ANGPTL7: variants seen among roughly 807,000 people sequenced by gnomAD.
The protein encoded by ANGPTL7 is angiopoietin like 7, also known as angiopoietin-related protein 7.
A neutral mutation model predicts 38.8 loss-of-function variants in ANGPTL7; 37 were observed. The ratio of observed to expected loss-of-function variants is 0.95; its 90% confidence interval spans 0.73 to 1.25. The LOEUF (loss-of-function observed/expected upper bound fraction) is 1.25, where lower values mean the gene tolerates loss of function less well. Among genes scored for constraint, ANGPTL7 ranks in the 50% most tolerant of loss-of-function variants. The probability of loss-of-function intolerance (pLI) is 0.00; values close to 1 mark genes in which losing one functional copy is unlikely to be tolerated. For missense variants in ANGPTL7, 427 were observed against 438.6 expected (o/e 0.97, Z 0.24); for synonymous variants, 166 against 163.2 (o/e 1.02, Z -0.13).
Position 11,194,530 on chromosome 1 carries a change from C to G in ANGPTL7, c.742C>G (p.Arg248Gly). ...TTTGGGCAATGAACTCAACAGCTAT[C>G]GCCTCTTCCTGGGGAACTACACTGG... Reference protein sequence around the residue: ...FVLGNELNSYRLFLGNYTGNV... With the variant: ...FVLGNELNSYGLFLGNYTGNV... Residue 248 changes from arginine (R) to glycine (G), a missense_variant, in exon 4 of 5, where the codon CGC becomes GGC. By Grantham distance (125) the Arg-to-Gly change is moderately radical (BLOSUM62 -2). Transcript: ENST00000376819. 1 of 1,614,152 alleles carries G rather than the reference C, an allele frequency of 6.2e-7. No homozygotes were observed.
chr1:11,193,351 A>G (rs1645625810), intron 2 of ANGPTL7, among the ~76,000 whole-genome samples: 1 of 151,328 alleles, frequency 6.6e-6, no homozygotes, highest in African/African-American at 2.4e-5. Context: ...TCCAAGCTTC[A>G]TGTGCACTCA....
Position 11,194,862 on chromosome 1 carries a change from T to C in ANGPTL7, c.880T>C (p.Trp294Arg). The C allele has an allele frequency of 6.2e-7, 1 of 1,614,074 alleles. No homozygotes were observed. The highest frequency in any genetic ancestry group is 8.5e-7 in the Non-Finnish European group (1 of 1,179,964). Reference sequence around the variant, plus strand: ...TCTGTTTCTCATGCCAGGTGGCTACTGGTACAACTGCTGCACAGACTCCAA... The same window carrying C: ...TCTGTTTCTCATGCCAGGTGGCTACCGGTACAACTGCTGCACAGACTCCAA... ...KCAQLRKGGY[W>R]YNCCTDSNLN... is the part of the protein sequence containing the mutation. Residue 294 changes from tryptophan (W) to arginine (R), a missense_variant, in exon 5 of 5, where the codon TGG (tryptophan) becomes CGG (arginine). Coordinates refer to ENST00000376819, the MANE Select transcript of ANGPTL7 (RefSeq NM_021146.4).
In ANGPTL7 at chr1:11,189,948, C is replaced by T. The variant is rs1252818766; in HGVS notation, c.369C>T (p.Thr123=). 1.9e-6 allele frequency: 3 copies of T among 1,608,102 alleles called. No individual in the cohort carries two copies. The highest frequency in any genetic ancestry group is 2.5e-6 in the Non-Finnish European group (3 of 1,177,186). The part of the protein sequence containing the change: ...QLQAAQTVTQ[T]SADAIYDCSS... ...AGGCAGCACAGACGGTCACTCAGACCTCCGCAGGTAAGGAGACCAGTCCCC... is the reference window on the plus strand; with the variant it reads ...AGGCAGCACAGACGGTCACTCAGACTTCCGCAGGTAAGGAGACCAGTCCCC... The change falls in exon 1 of 5, where the codon ACC becomes ACT. Residue 123 remains threonine (T), a synonymous_variant. Coordinates refer to ENST00000376819, the MANE Select transcript of ANGPTL7 (RefSeq NM_021146.4).
Position 11,194,493 on chromosome 1 carries a change from T to C in ANGPTL7, c.705T>C (p.Tyr235=), listed in dbSNP as rs765202660. Residue 235 remains tyrosine, a synonymous_variant, in exon 4 of 5, where the codon TAT becomes TAC. Transcript: ENST00000376819. ...DWEGNLRYAE[Y]SHFVLGNELN... is the part of the protein sequence containing the mutation. ...AGGGCAACCTGCGCTACGCTGAGTA[T>C]AGCCACTTTGTTTTGGGCAATGAAC... The C allele has an allele frequency of 7.4e-6, 12 of 1,614,164 alleles. No individual in the cohort carries two copies. The Admixed American group carries it at 1.2e-4, about 16-fold the overall frequency.
intron 3 of ANGPTL7, 66 bp from the exon 4 acceptor site, chr1:11,194,395 G>T: frequency 1.4e-6 from 2 of 1,464,690 alleles, no homozygotes; most frequent in Non-Finnish European, 1.9e-6. Flanking sequence ...CAGGAGAGAA[G>T]GGGTATAGAG....
chr1:11,191,483 C>A lies in ANGPTL7; in HGVS notation c.377-787C>A, dbSNP rs28990997. On this transcript the variant is annotated intron_variant, in intron 1 of 4. Coordinates refer to ENST00000376819, the MANE Select transcript of ANGPTL7 (RefSeq NM_021146.4). ...GCAGTGGTCACCAAGAAAAGCACCC[C>A]GAGACATAGCAGGCAGGAAGCTTCT... Among the ~76,000 whole-genome samples, 1,363 of 152,252 alleles carry A rather than the reference C, an allele frequency of 9.0e-3. 10 individuals carry two copies. The highest frequency in any genetic ancestry group is 0.02 in the Middle Eastern group (6 of 294).
chr1:11,190,016 A>G, intron 1 of ANGPTL7, 61 bp downstream of exon 1: 1 of 1,537,158 alleles, frequency 6.5e-7, no homozygotes, highest in Non-Finnish European at 8.7e-7. Flanking sequence ...CACTGCTTCT[A>G]CATATCCTGG....
rs138507629 is a variant in ANGPTL7, at chr1:11,195,016, A to C, written c.1034A>C (p.Lys345Thr). 1 of 1,613,598 alleles carries C rather than the reference A, an allele frequency of 6.2e-7. No homozygotes were observed. ...VEMKIRPEDF[K>T]P is the part of the protein sequence containing the mutation. ...ATGAAAATCCGCCCAGAAGACTTCA[A>C]GCCTTAAAAGGAGGCTGCCGTGGAG... Residue 345 changes from lysine to threonine, a missense_variant, in exon 5 of 5, where the codon AAG becomes ACG. Transcript: ENST00000376819.
At chr1:11,194,752 A>ATTCC in intron 4 of ANGPTL7, 93 bp downstream of exon 4, 1 of 1,599,234 alleles carries the variant, frequency 6.3e-7, no homozygotes, top group Non-Finnish European at 8.5e-7. Flanking sequence ...TACAGTTGAT[A>ATTCC]TTCCGGTTTT....
Position 11,192,304 on chromosome 1 carries a change from G to C in ANGPTL7, c.411G>C (p.Lys137Asn), listed in dbSNP as rs771794921. 1.9e-6 allele frequency: 3 copies of C among 1,613,934 alleles called. No individual in the cohort carries two copies. Among genetic ancestry groups the C allele is most frequent in the Admixed American group, 1.7e-5 (1 of 59,998 alleles). The part of the protein sequence containing the change: ...AIYDCSSLYQ[K>N]NYRISGVYKL... ...ACGACTGCTCTTCCCTCTACCAGAAGAACTACCGCATCTCTGGAGTGTATA... is the reference window on the plus strand; with the variant it reads ...ACGACTGCTCTTCCCTCTACCAGAACAACTACCGCATCTCTGGAGTGTATA... The change falls in exon 2 of 5, where the codon AAG becomes AAC. Residue 137 changes from lysine to asparagine, a missense_variant. Physicochemically the swap from Lys to Asn is moderately conservative, Grantham distance 94. Transcript: ENST00000376819.
In ANGPTL7 at chr1:11,193,431, C is replaced by T. The variant is rs1210763108; in HGVS notation, c.478-149C>T. The T allele has an allele frequency of 7.4e-6, 5 of 678,316 alleles. No homozygotes were observed. In the East Asian group the frequency reaches 9.0e-5, roughly 12 times the overall value. The allele number at this position is 678,316 out of a possible 1,614,324, so 42.0% of individuals were successfully genotyped here. ...CCACCCCAGCTCACCAGCAGTGGGG[C>T]AGCATCACTGCCCGAGTGAGCCAGT... On this transcript the variant is annotated intron_variant, in intron 2 of 4. Coordinates refer to ENST00000376819, the MANE Select transcript of ANGPTL7 (RefSeq NM_021146.4).
At chr1:11,193,554 T>G in intron 2 of ANGPTL7, 26 bp from the exon 3 acceptor site, 4 of 1,553,258 alleles carry the variant, frequency 2.6e-6, no homozygotes, top group Non-Finnish European at 3.5e-6. Context: ...TGCAAGTCCC[T>G]CACCAGAGTA....
In ANGPTL7 at chr1:11,195,116, T is replaced by C. The variant is rs28991013; in HGVS notation, c.*93T>C. 1.8e-4 allele frequency: 239 copies of C among 1,344,332 alleles called. No homozygotes were observed. The African/African-American group carries it at 2.6e-3, about 15-fold the overall frequency. 83.3% of individuals were successfully genotyped at this position (1,344,332 alleles called of 1,614,324 possible). A position where few individuals can be genotyped will look rare whatever the true frequency, so the allele number is the denominator to read the frequency against. ...GACAGGAAGAGAGTGTTAGAAAGGGTAGGACTGAGAAACAGCCTATAATCT... is the reference window on the plus strand; with the variant it reads ...GACAGGAAGAGAGTGTTAGAAAGGGCAGGACTGAGAAACAGCCTATAATCT... On this transcript the variant is annotated 3_prime_UTR_variant, in exon 5 of 5. Transcript: ENST00000376819.
In ANGPTL7 at chr1:11,193,606, C is replaced by A. The variant is rs201337209; in HGVS notation, c.504C>A (p.Gly168=). 62 of 1,603,800 alleles carry A rather than the reference C, an allele frequency of 3.9e-5. No individual in the cohort carries two copies. The highest frequency in any genetic ancestry group is 5.1e-5 in the Non-Finnish European group (60 of 1,174,746). ...TGTTCTGTGACATGGAGACTTCAGG[C>A]GGAGGCTGGACCATCATCCAGAGAC... is the stretch of plus-strand genomic sequence containing the variant. ...LEVFCDMETS[G]GGWTIIQRRK... The change falls in exon 3 of 5, where the codon GGC becomes GGA. Residue 168 remains glycine (G), a synonymous_variant. Transcript: ENST00000376819.
chr1:11,190,553 T>C (rs1392689734), intron 1 of ANGPTL7, among the ~76,000 whole-genome samples: 1 of 152,190 alleles, frequency 6.6e-6, no homozygotes, highest in Non-Finnish European at 1.5e-5. Flanking sequence ...GATACGTCTA[T>C]TTTTTTCCAT....
At chr1:11,192,206 A>G in intron 1 of ANGPTL7, 64 bp from the exon 2 acceptor site, 2 of 1,232,804 alleles carry the variant, frequency 1.6e-6, no homozygotes, top group Admixed American at 1.7e-5. Flanking sequence ...CTCAGTCTCT[A>G]AACACTCAAC....
chr1:11,195,427 A>C lies in ANGPTL7; in HGVS notation c.*404A>C. 6.1e-6 allele frequency: 1 copy of C among 162,738 alleles called. No homozygotes were observed. Among genetic ancestry groups the C allele is most frequent in the Admixed American group, 5.8e-5 (1 of 17,122 alleles). 10.1% of individuals were successfully genotyped at this position (162,738 alleles called of 1,614,324 possible). ...AAATCCCTTTGCTAAAAAGAACCAT[A>C]TTATTTTGATTCTCAAAGGATAGGC... is the stretch of plus-strand genomic sequence containing the variant. On this transcript the variant is annotated 3_prime_UTR_variant, in exon 5 of 5. Transcript: ENST00000376819.
At position 11,194,660 on chromosome 1, in the gene ANGPTL7, G is replaced by A. The variant is rs746069379; in HGVS notation, c.871+1G>A. On this transcript the variant is annotated splice_donor_variant, in intron 4 of 4. Transcript: ENST00000376819. LOFTEE classifies it high-confidence loss of function. ...GACAAGTGTGCACAGCTCCGCAAAG[G>A]TGAGATTTGGGGGGACCGGAAAGGA... 3 of 1,614,174 alleles carry A rather than the reference G, an allele frequency of 1.9e-6. No individual in the cohort carries two copies. The highest frequency in any genetic ancestry group is 1.7e-5 in the Admixed American group (1 of 60,020).
At position 11,189,733 on chromosome 1, in the gene ANGPTL7, C is replaced by A; in HGVS notation, c.154C>A (p.Leu52Ile). The change falls in exon 1 of 5, where the codon CTC becomes ATC. Residue 52 changes from leucine (L) to isoleucine (I), a missense_variant. Coordinates refer to ENST00000376819, the MANE Select transcript of ANGPTL7 (RefSeq NM_021146.4). Reference protein sequence around the residue: ...AANCCEEVKELKAQVANLSSL... With the variant: ...AANCCEEVKEIKAQVANLSSL... ...CAACTGCTGTGAGGAGGTGAAGGAG[C>A]TCAAGGCCCAAGTTGCCAACCTTAG... is the stretch of plus-strand genomic sequence containing the variant. The A allele has an allele frequency of 6.2e-7, 1 of 1,614,178 alleles. No individual in the cohort carries two copies. Among genetic ancestry groups the A allele is most frequent in the Non-Finnish European group, 8.5e-7 (1 of 1,180,022 alleles).
Sources: allele counts gnomAD v4.1 joint callset (sites outside exome capture counted in the v4.1 genomes callset), GRCh38; gene constraint gnomAD v4.1.1; transcripts MANE v1.5; gene names NCBI Gene and HGNC (gene_info 2026-07-23, HGNC 2026-07-21).